LRRC74A: variants seen among roughly 807,000 people sequenced by gnomAD.
LRRC74A encodes the protein leucine rich repeat containing 74A.
In LRRC74A, 44 loss-of-function variants were observed where a neutral mutation model predicts 57.9. That is an observed-to-expected ratio of 0.76 (90% confidence interval 0.60 to 0.98). LRRC74A has a LOEUF of 0.98. LRRC74A is among the 50% of genes least tolerant of loss of function. The probability of loss-of-function intolerance (pLI) is 0.00; values close to 1 mark genes in which losing one functional copy is unlikely to be tolerated. For missense variants in LRRC74A, 572 were observed against 574.0 expected (o/e 1.00, Z 0.04); for synonymous variants, 211 against 219.4 (o/e 0.96, Z 0.34).
In LRRC74A at chr14:76,864,809, G is replaced by A. The variant is rs935781089; in HGVS notation, c.1201-1159G>A. On this transcript the variant is annotated intron_variant, in intron 11 of 13. Transcript: ENST00000689127. The stretch of plus-strand genomic sequence containing the variant: ...GCAGAGGTTGCAGTGAGCCGAGATC[G>A]AGCCACTGAACTCTAGCCTAGGCGA... Among the ~76,000 whole-genome samples, 7 of 152,264 alleles carry A rather than the reference G, an allele frequency of 4.6e-5. No homozygotes were observed. The South Asian group carries it at 1.0e-3, about 23-fold the overall frequency.
intron 11 of LRRC74A, among the ~76,000 whole-genome samples, chr14:76,865,098 T>C (rs1171625314): frequency 6.6e-6 from 1 of 152,224 alleles, no homozygotes; most frequent in Non-Finnish European, 1.5e-5. Context: ...TTTTTAAAAT[T>C]TTCTCCTGCT....
Position 76,836,239 on chromosome 14 carries a change from A to G in LRRC74A, c.372A>G (p.Glu124=). ...TGGCTGTTACCAAACTGGAGCTGGA[A>G]GACAATTGCATCATGGAGGAGGGCG... is the stretch of plus-strand genomic sequence containing the variant. The part of the protein sequence containing the change: ...SNMAVTKLEL[E]DNCIMEEGVL... The change falls in exon 4 of 14, where the codon GAA becomes GAG. Residue 124 remains glutamate, a synonymous_variant. Transcript: ENST00000689127. The G allele has an allele frequency of 6.2e-7, 1 of 1,613,928 alleles. No homozygotes were observed. Among genetic ancestry groups the G allele is most frequent in the South Asian group, 1.1e-5 (1 of 91,030 alleles).
rs1895581737 is a variant in LRRC74A, at chr14:76,826,511, C to G, written c.-187C>G. 4.4e-6 allele frequency: 7 copies of G among 1,597,484 alleles called. No homozygotes were observed. The highest frequency in any genetic ancestry group is 6.0e-6 in the Non-Finnish European group (7 of 1,171,494). On this transcript the variant is annotated 5_prime_UTR_variant, in exon 1 of 14. Transcript: ENST00000689127. The stretch of plus-strand genomic sequence containing the variant: ...GGTCAAATTCATGCACATCCAATTC[C>G]CATCAAAGCCTACTCTTCCCAGGGC...
chr14:76,854,871 G>A (rs993249976), intron 9 of LRRC74A, among the ~76,000 whole-genome samples: 1 of 152,210 alleles, frequency 6.6e-6, no homozygotes, highest in Non-Finnish European at 1.5e-5. Context: ...AGAGCCAGCT[G>A]TCGTTACTCA....
Position 76,866,039 on chromosome 14 carries a change from G to GATGT in LRRC74A, c.1273_1276dup (p.Ser426TyrfsTer5). 1 of 1,590,232 alleles carries GATGT rather than the reference G, an allele frequency of 6.3e-7. No individual in the cohort carries two copies. On this transcript the variant is annotated frameshift_variant, in exon 12 of 14. Transcript: ENST00000689127. LOFTEE classifies it high-confidence loss of function. ...GCTTGAACCCCACTGGGACAATGAA[G>GATGT]ATGTCTGTGGATGAGTTCCAGAAAG...
rs114354491 is a variant in LRRC74A at position 76,869,319 on chromosome 14, C to A, written c.1392-806C>A. On this transcript the variant is annotated intron_variant, in intron 13 of 13. Coordinates refer to ENST00000689127, the MANE Select transcript of LRRC74A (RefSeq NM_001385106.1). ...CTGAGTCTCAGCGCCTGAGCAGGAG[C>A]CCTTGGGGCCACTTCAAATTGCCCT... Among the ~76,000 whole-genome samples the A allele has an allele frequency of 7.2e-3, 1,103 of 152,270 alleles. 17 individuals carry two copies. The highest frequency in any genetic ancestry group is 0.026 in the African/African-American group (1,063 of 41,534).
rs1426545723 is a variant in LRRC74A at position 76,836,326 on chromosome 14, C to T, written c.447+12C>T. 1 of 1,574,818 alleles carries T rather than the reference C, an allele frequency of 6.3e-7. No individual in the cohort carries two copies. Among genetic ancestry groups the T allele is most frequent in the Non-Finnish European group, 8.7e-7 (1 of 1,147,832 alleles). Reference sequence around the variant, plus strand: ...ACCTCCAGGAGATGGTACTGTGCCCCCCTGTGCTGGCTCTTACCATCATCC... The same window carrying T: ...ACCTCCAGGAGATGGTACTGTGCCCTCCTGTGCTGGCTCTTACCATCATCC... On this transcript the variant is annotated intron_variant, in intron 4 of 13. Transcript: ENST00000689127.
rs1566738385 is a variant in LRRC74A at position 76,856,792 on chromosome 14, G to GTGGATGGATGGATGGATGAGTGGA, written c.958-570_958-569insAGTGGATGGATGGATGGATGGATG. Among the ~76,000 whole-genome samples, 23 of 129,678 alleles carry GTGGATGGATGGATGGATGAGTGGA rather than the reference G, an allele frequency of 1.8e-4. No individual in the cohort carries two copies. The Admixed American group carries it at 1.8e-3, about 10-fold the overall frequency. The allele number at this position is 129,678 out of a possible 152,430, so 85.1% of individuals were successfully genotyped here. On this transcript the variant is annotated intron_variant, in intron 9 of 13. Coordinates refer to ENST00000689127, the MANE Select transcript of LRRC74A (RefSeq NM_001385106.1). ...GATGAGCAGTGAGATGGATAAGTGA[G>GTGGATGGATGGATGGATGAGTGGA]TGGATGGATGGATGGATGGATGGAT...
intron 5 of LRRC74A, among the ~76,000 whole-genome samples, chr14:76,842,330 C>G (rs1426834258): frequency 6.6e-6 from 1 of 152,096 alleles, no homozygotes; most frequent in African/African-American, 2.4e-5. Flanking sequence ...ATTTATATCT[C>G]CTAATTATTT....
intron 7 of LRRC74A, among the ~76,000 whole-genome samples, chr14:76,849,249 G>A (rs567778803): frequency 1.4e-4 from 21 of 152,054 alleles, no homozygotes; most frequent in African/African-American, 4.1e-4. Context: ...TCTGCCTCCC[G>A]GGTGCAAGCA....
intron 3 of LRRC74A, among the ~76,000 whole-genome samples, chr14:76,835,354 T>C (rs1189931036): frequency 2.0e-5 from 3 of 151,768 alleles, no homozygotes; most frequent in African/African-American, 4.8e-5. Context: ...GGTGTGGTGG[T>C]GGGCACCTGT....
intron 5 of LRRC74A, among the ~76,000 whole-genome samples, chr14:76,839,931 A>G (rs1211958292): frequency 2.0e-5 from 3 of 151,854 alleles, no homozygotes; most frequent in Non-Finnish European, 4.4e-5. Context: ...GGGTTTCACC[A>G]TGTTGGCCAG....
At chr14:76,826,994 T>C (rs977225666) in intron 1 of LRRC74A, among the ~76,000 whole-genome samples, 1 of 152,236 alleles carries the variant, frequency 6.6e-6, no homozygotes, top group Non-Finnish European at 1.5e-5. Context: ...CATTTATAGT[T>C]TGAAATCAGT....
At chr14:76,868,811 G>A (rs576693514) in intron 13 of LRRC74A, among the ~76,000 whole-genome samples, 2 of 152,372 alleles carry the variant, frequency 1.3e-5, no homozygotes, top group East Asian at 3.9e-4. Context: ...AAGGCAGCCA[G>A]ACCCAGCTGC....
Position 76,860,683 on chromosome 14 carries a change from CCT to C in LRRC74A, c.1054-9_1054-8del. 6.2e-7 allele frequency: 1 copy of C among 1,601,544 alleles called. No homozygotes were observed. Among genetic ancestry groups the C allele is most frequent in the Non-Finnish European group, 8.5e-7 (1 of 1,172,522 alleles). On this transcript the variant is annotated splice_region_variant and splice_polypyrimidine_tract_variant and intron_variant, in intron 10 of 13. Coordinates refer to ENST00000689127, the MANE Select transcript of LRRC74A (RefSeq NM_001385106.1). Reference sequence around the variant, plus strand: ...CTCATCATCATGGGTCCCCTCTCTCCCTGTCACAGAACGTGCTGGTGTCCGAG... The same window carrying C: ...CTCATCATCATGGGTCCCCTCTCTCCGTCACAGAACGTGCTGGTGTCCGAG...
At chr14:76,861,424 A>G (rs1463202738) in intron 11 of LRRC74A, among the ~76,000 whole-genome samples, 2 of 152,106 alleles carry the variant, frequency 1.3e-5, no homozygotes, top group South Asian at 2.1e-4. Context: ...CCCCCGACTC[A>G]TGTTTTCTTA....
intron 3 of LRRC74A, among the ~76,000 whole-genome samples, chr14:76,832,760 T>C (rs1172326642): frequency 6.6e-6 from 1 of 152,202 alleles, no homozygotes; most frequent in East Asian, 1.9e-4. Flanking sequence ...GACCAGCTGA[T>C]GTCAGTAGTA....
chr14:76,869,890 C>T (rs954775147), intron 13 of LRRC74A, among the ~76,000 whole-genome samples: 2 of 152,214 alleles, frequency 1.3e-5, no homozygotes, highest in African/African-American at 4.8e-5. Context: ...TGCAAACGAT[C>T]TTAGGTGCAC....
Position 76,853,399 on chromosome 14 carries a change from A to G in LRRC74A, c.946A>G (p.Arg316Gly). 1 of 1,603,286 alleles carries G rather than the reference A, an allele frequency of 6.2e-7. No homozygotes were observed. The highest frequency in any genetic ancestry group is 8.5e-7 in the Non-Finnish European group (1 of 1,174,930). The change falls in exon 9 of 14, where the codon AGA becomes GGA. Residue 316 changes from arginine to glycine, a missense_variant. Arg to Gly is a moderately radical substitution (Grantham distance 125). Coordinates refer to ENST00000689127, the MANE Select transcript of LRRC74A (RefSeq NM_001385106.1). ...SKGLESNESL[R>G]VLKLFLNPIN... Reference sequence around the variant, plus strand: ...AGGACTGGAATCCAATGAAAGCCTCAGAGTTCTGAAGGTAGTCTTCAGCTG... The same window carrying G: ...AGGACTGGAATCCAATGAAAGCCTCGGAGTTCTGAAGGTAGTCTTCAGCTG...
Sources: gnomAD v4.1 joint callset for allele counts (sites outside exome capture counted in the v4.1 genomes callset) on GRCh38, gnomAD v4.1.1 for gene constraint, MANE v1.5 for transcripts, NCBI Gene and HGNC (gene_info 2026-07-23, HGNC 2026-07-21) for gene names.